Variants in FGF14 observed in about 807,000 individuals in gnomAD.
FGF14 encodes fibroblast growth factor homologous factor 4.
In FGF14, 5 loss-of-function variants were observed where a neutral mutation model predicts 25.5. The ratio of observed to expected loss-of-function variants is 0.20; its 90% CI spans 0.10 to 0.41. The LOEUF is 0.41. Ranked by LOEUF, FGF14 falls within the 10% of genes least tolerant of loss-of-function variation. The pLI is 1.00. For missense variants in FGF14, 222 were observed against 320.1 expected (o/e 0.69, Z 2.34); for synonymous variants, 138 against 118.3 (o/e 1.17, Z -1.08).
upstream of FGF14, among the ~76,000 whole-genome samples, chr13:101,920,976 T>C (rs371678323): frequency 1.6e-4 from 24 of 152,164 alleles, no homozygotes; most frequent in African/African-American, 5.8e-4. Flanking sequence ...CTCCTGAAGA[T>C]GCTATGATCC....
intron 1 of FGF14, among the ~76,000 whole-genome samples, chr13:102,045,204 C>T (rs569030378): frequency 1.1e-3 from 168 of 151,732 alleles, no homozygotes; most frequent in African/African-American, 3.7e-3. Flanking sequence ...CAGAGGTAGA[C>T]TAAGTATGTC....
chr13:101,904,252 G>T (rs188391944), intron 1 of FGF14, among the ~76,000 whole-genome samples: 25 of 152,248 alleles, frequency 1.6e-4, no homozygotes, highest in African/African-American at 5.8e-4. Context: ...CATGAAGAGT[G>T]GCAGTTTTTT....
intron 1 of FGF14, among the ~76,000 whole-genome samples, chr13:102,004,772 C>T (rs2039693163): frequency 6.6e-6 from 1 of 152,086 alleles, no homozygotes. Context: ...GCTGTAACCC[C>T]CATGCTGCTG....
chr13:102,263,568 CTTAG>C, intron 1 of FGF14, among the ~76,000 whole-genome samples: 1 of 152,270 alleles, frequency 6.6e-6, no homozygotes, highest in East Asian at 1.9e-4. Context: ...AAAACATATA[CTTAG>C]TTCACTTTTT....
At chr13:101,760,963 G>GA (rs889037068) in intron 3 of FGF14, among the ~76,000 whole-genome samples, 8 of 150,566 alleles carry the variant, frequency 5.3e-5, no homozygotes, top group East Asian at 1.9e-4. Context: ...CTTGAAGGAT[G>GA]AAAAAAAAAG....
upstream of FGF14, among the ~76,000 whole-genome samples, chr13:101,919,292 G>C (rs1193105337): frequency 4.0e-4 from 60 of 151,446 alleles, 1 homozygote; most frequent in Non-Finnish European, 1.8e-4. Flanking sequence ...AAGCATCCAG[G>C]TTTATTATCA....
At chr13:102,266,091 C>G (rs1473656257) in intron 1 of FGF14, among the ~76,000 whole-genome samples, 1 of 152,134 alleles carries the variant, frequency 6.6e-6, no homozygotes, top group Non-Finnish European at 1.5e-5. Flanking sequence ...ACTCATCTCT[C>G]TAGATCTTAA....
In FGF14 at chr13:101,721,454, AG is replaced by A. The variant is rs2034977675; in HGVS notation, c.*1376del. ...TGTTGGTTTGCCTTTATTTTCATCT[AG>A]GATAATTCAACAGACTGTATTCTGA... is the stretch of plus-strand genomic sequence containing the variant. On this transcript the variant is annotated 3_prime_UTR_variant, in exon 5 of 5. Transcript: ENST00000376143. The A allele has an allele frequency of 6.6e-6, 1 of 152,144 alleles. No individual in the cohort carries two copies. Among genetic ancestry groups the A allele is most frequent in the Non-Finnish European group, 1.5e-5 (1 of 68,004 alleles). The allele number at this position is 152,144 out of a possible 1,614,324, so 9.4% of individuals were successfully genotyped here.
At chr13:102,222,194 C>A (rs2050643223) in intron 1 of FGF14, among the ~76,000 whole-genome samples, 1 of 152,144 alleles carries the variant, frequency 6.6e-6, no homozygotes, top group South Asian at 2.1e-4. Flanking sequence ...TCATCCACTG[C>A]TATTCCTAGG....
intron 1 of FGF14, among the ~76,000 whole-genome samples, chr13:102,041,135 G>GA (rs879273193): frequency 4.7e-5 from 7 of 149,710 alleles, no homozygotes; most frequent in African/African-American, 1.2e-4. Flanking sequence ...TTGCCAATCT[G>GA]AAAAAAAAAT....
intron 1 of FGF14, among the ~76,000 whole-genome samples, chr13:101,903,050 G>C (rs1262043743): frequency 6.6e-6 from 1 of 152,060 alleles, no homozygotes; most frequent in Non-Finnish European, 1.5e-5. Context: ...GTTTTCTGGG[G>C]TTTTTTGTTT....
chr13:101,740,831 T>G (rs1320430045), intron 3 of FGF14, among the ~76,000 whole-genome samples: 2 of 152,220 alleles, frequency 1.3e-5, no homozygotes, highest in Non-Finnish European at 1.5e-5. Flanking sequence ...ATGTCTTTTT[T>G]TCAGTACCAA....
intron 1 of FGF14, among the ~76,000 whole-genome samples, chr13:102,322,656 C>G (rs1314451698): frequency 6.6e-6 from 1 of 152,134 alleles, no homozygotes; most frequent in Non-Finnish European, 1.5e-5. Context: ...GTACAATTAT[C>G]ATCATTGACT....
intron 1 of FGF14, among the ~76,000 whole-genome samples, chr13:102,163,029 C>T (rs905016851): frequency 4.6e-5 from 7 of 152,148 alleles, no homozygotes; most frequent in Non-Finnish European, 7.4e-5. Context: ...TGTAAAAATA[C>T]ATCCACATAT....
intron 1 of FGF14, among the ~76,000 whole-genome samples, chr13:101,897,637 G>T (rs1249110444): frequency 6.6e-6 from 1 of 152,116 alleles, no homozygotes; most frequent in East Asian, 1.9e-4. Flanking sequence ...TAAGCTCATA[G>T]GTTTTTAACA....
At position 101,839,384 on chromosome 13, in the gene FGF14, C is replaced by T. The variant is rs541954988; in HGVS notation, c.408+29341G>A. ...AATAGAATTTAGTACTTGAAGGCGA[C>T]ATTTAGAAATAGAAAGACAGATTGG... On this transcript the variant is annotated intron_variant, in intron 3 of 4. Coordinates refer to ENST00000376143, the MANE Select transcript of FGF14 (RefSeq NM_004115.4). 3.1e-4 allele frequency among the ~76,000 whole-genome samples: 47 copies of T among 152,034 alleles called. No homozygotes were observed. The South Asian group carries it at 9.3e-3, about 30-fold the overall frequency.
intron 1 of FGF14, among the ~76,000 whole-genome samples, chr13:102,016,727 C>A (rs1268256578): frequency 6.6e-6 from 1 of 152,118 alleles, no homozygotes; most frequent in East Asian, 1.9e-4. Flanking sequence ...CTCAAGTGAT[C>A]CATCTGCCTT....
rs2044871692 is a variant in FGF14, at chr13:101,868,707, C to A, written c.408+18G>T. 2.8e-6 allele frequency: 4 copies of A among 1,446,594 alleles called. No homozygotes were observed. The highest frequency in any genetic ancestry group is 3.9e-6 in the Non-Finnish European group (4 of 1,027,402). 89.6% of individuals were successfully genotyped at this position (1,446,594 alleles called of 1,614,324 possible). On this transcript the variant is annotated intron_variant, in intron 3 of 4. Transcript: ENST00000376143. ...CATGCATTGAACGAATGGCCGAGAT[C>A]TTTGGCGTCTTACTTACTGATGGGT... is the stretch of plus-strand genomic sequence containing the variant.
intron 2 of FGF14, among the ~76,000 whole-genome samples, chr13:101,872,610 CA>C (rs1371083676): frequency 6.6e-6 from 1 of 151,954 alleles, no homozygotes; most frequent in Non-Finnish European, 1.5e-5. Flanking sequence ...GGCCAGAGGA[CA>C]TAAAAATGAA....
Sources: allele counts gnomAD v4.1 joint callset (sites outside exome capture counted in the v4.1 genomes callset), GRCh38; gene constraint gnomAD v4.1.1; transcripts MANE v1.5; gene names NCBI Gene and HGNC (gene_info 2026-07-23, HGNC 2026-07-21).